Variants in ZNF398 observed in about 807,000 individuals in gnomAD.
ZNF398 encodes the protein zinc finger DNA binding protein ZER6.
ZNF398 carries 18 observed loss-of-function variants against 41.9 expected under a neutral mutation model. The ratio of observed to expected loss-of-function variants is 0.43; its 90% CI spans 0.30 to 0.64. The LOEUF is 0.64. ZNF398 is among the 30% of genes least tolerant of loss of function. The pLI is 0.14. For synonymous variants in ZNF398, 260 were observed against 308.8 expected, an observed-to-expected ratio of 0.84 and a Z score of 1.66; for missense variants, 669 against 822.8, an observed-to-expected ratio of 0.81 and a Z score of 2.29.
At chr7:149,133,256 T>C (rs1221166677) in intron 2 of ZNF398, among the ~76,000 whole-genome samples, 1 of 151,776 alleles carries the variant, frequency 6.6e-6, no homozygotes, top group African/African-American at 2.4e-5. Flanking sequence ...GCTGGGATTA[T>C]AGGCTTGCCA....
At chr7:149,155,727 T>TTTTATTTA (rs1794959608) in intron 2 of ZNF398, among the ~76,000 whole-genome samples, 1 of 62,986 alleles carries the variant, frequency 1.6e-5, no homozygotes, top group African/African-American at 5.2e-5. Context: ...TTTTTTTTTT[T>TTTTATTTA]TTAATTTTTT....
chr7:149,153,082 C>A (rs1217539303), intron 1 of ZNF398, among the ~76,000 whole-genome samples: 1 of 152,014 alleles, frequency 6.6e-6, no homozygotes, highest in Non-Finnish European at 1.5e-5. Context: ...TGGACTCGCA[C>A]TCCCAAGCTC....
At chr7:149,139,194 G>A (rs10254449) in intron 2 of ZNF398, among the ~76,000 whole-genome samples, 2 of 151,570 alleles carry the variant, frequency 1.3e-5, no homozygotes. Flanking sequence ...ATAGGCACAA[G>A]CCACTGCGCC....
chr7:149,162,067 C>T (rs1432010002), intron 2 of ZNF398, among the ~76,000 whole-genome samples: 2 of 152,148 alleles, frequency 1.3e-5, no homozygotes, highest in Middle Eastern at 3.2e-3. Flanking sequence ...GTCTTGCTCT[C>T]GCCTGGGCTG....
At chr7:149,173,209 A>G (rs538229664) in intron 4 of ZNF398, among the ~76,000 whole-genome samples, 1 of 145,280 alleles carries the variant, frequency 6.9e-6, no homozygotes, top group East Asian at 2.0e-4. Flanking sequence ...GGTTCAAGCA[A>G]TTCTCTTGCC....
intron 2 of ZNF398, among the ~76,000 whole-genome samples, chr7:149,164,607 T>C (rs1795187797): frequency 6.6e-6 from 1 of 152,122 alleles, no homozygotes; most frequent in South Asian, 2.1e-4. Context: ...AGACCAGCTA[T>C]TGAACACCAC....
intron 2 of ZNF398, among the ~76,000 whole-genome samples, chr7:149,162,400 T>G (rs960864559): frequency 6.6e-6 from 1 of 152,138 alleles, no homozygotes; most frequent in South Asian, 2.1e-4. Flanking sequence ...GCCAGGATGG[T>G]CTCGATCTCC....
Position 149,166,798 on chromosome 7 carries a change from T to A in ZNF398, c.548-19T>A, listed in dbSNP as rs758089075. 1 of 1,555,394 alleles carries A rather than the reference T, an allele frequency of 6.4e-7. No homozygotes were observed. The highest frequency in any genetic ancestry group is 1.7e-5 in the Admixed American group (1 of 58,186). On this transcript the variant is annotated intron_variant, in intron 3 of 5. Coordinates refer to ENST00000475153, the MANE Select transcript of ZNF398 (RefSeq NM_170686.3). ...ATTTATCTCTTTGTAATACTCTCTC[T>A]TCCTTTTTCCTCTCCTAGATTATGC...
In ZNF398 at chr7:149,166,962, CT is replaced by C. The variant is rs772390697; in HGVS notation, c.661+33del. The C allele has an allele frequency of 6.0e-5, 90 of 1,496,550 alleles. 3 individuals are homozygous for C. The South Asian group carries it at 1.0e-3, about 17-fold the overall frequency. The allele number at this position is 1,496,550 out of a possible 1,614,324, so 92.7% of individuals were successfully genotyped here. Reference sequence around the variant, plus strand: ...GGGAGAAGAGATTCCTACTTCTTGTCTCCCTTTCCTGGTCAGACATGGTGGC... The same window carrying C: ...GGGAGAAGAGATTCCTACTTCTTGTCCCCTTTCCTGGTCAGACATGGTGGC... On this transcript the variant is annotated intron_variant, in intron 4 of 5. Transcript: ENST00000475153.
chr7:149,160,073 G>A (rs1254261529), intron 2 of ZNF398, among the ~76,000 whole-genome samples: 1 of 37,570 alleles, frequency 2.7e-5, no homozygotes, highest in East Asian at 2.0e-3. Context: ...ATAAAAGGAG[G>A]ATAATTAGCT....
chr7:149,130,773 G>A (rs12704062), intron 2 of ZNF398, among the ~76,000 whole-genome samples: 81,816 of 152,128 alleles, frequency 0.54, 25,537 homozygotes, highest in East Asian at 0.9. Context: ...CAACGAAGAA[G>A]GCTTTAATTG....
At chr7:149,137,450 C>T (rs192425162) in intron 2 of ZNF398, among the ~76,000 whole-genome samples, 9 of 152,068 alleles carry the variant, frequency 5.9e-5, no homozygotes, top group African/African-American at 1.9e-4. Flanking sequence ...GGCGTGATCT[C>T]GGCTCACTGC....
intron 1 of ZNF398, among the ~76,000 whole-genome samples, chr7:149,151,827 C>T (rs1418905715): frequency 1.4e-5 from 2 of 147,662 alleles, no homozygotes; most frequent in African/African-American, 5.0e-5. Context: ...CGTTCTGTCG[C>T]GTAGGCTGGA....
chr7:149,179,512 G>C lies in ZNF398; in HGVS notation c.1640G>C (p.Ser547Thr), dbSNP rs546633091. 6.2e-7 allele frequency: 1 copy of C among 1,614,246 alleles called. No individual in the cohort carries two copies. Among genetic ancestry groups the C allele is most frequent in the Non-Finnish European group, 8.5e-7 (1 of 1,180,042 alleles). Residue 547 changes from serine (S) to threonine (T), a missense_variant, in exon 6 of 6, where the codon AGC becomes ACC. By Grantham distance (58) the Ser-to-Thr change is moderately conservative (BLOSUM62 1). Coordinates refer to ENST00000475153, the MANE Select transcript of ZNF398 (RefSeq NM_170686.3). The surrounding 1 kb of genome is among the most constrained non-coding windows in gnomAD (Gnocchi z 6.1). ...TTCAGTTGTCCTCACTGTGGCAAGA[G>C]CTTCATCCGCAAGCACCACCTAATG... The part of the protein sequence containing the change: ...RPFSCPHCGK[S>T]FIRKHHLMKH...
rs897700925 is a variant in ZNF398, at chr7:149,182,991, G to A, written c.*3190G>A. The stretch of plus-strand genomic sequence containing the variant: ...CAGGACCAGACCCTGTGACTTACTC[G>A]GTAATAACAGTCCACACAAGCCTCG... On this transcript the variant is annotated 3_prime_UTR_variant, in exon 6 of 6. Transcript: ENST00000475153. Among the ~76,000 whole-genome samples, 12 of 147,740 alleles carry A rather than the reference G, an allele frequency of 8.1e-5. No individual in the cohort carries two copies. Among genetic ancestry groups the A allele is most frequent in the East Asian group, 2.0e-4 (1 of 5,070 alleles).
intron 2 of ZNF398, among the ~76,000 whole-genome samples, chr7:149,136,067 A>G (rs190408210): frequency 6.6e-6 from 1 of 152,184 alleles, no homozygotes; most frequent in Admixed American, 6.5e-5. Context: ...AACTCTGCCT[A>G]ATTCAAGGTC....
intron 2 of ZNF398, among the ~76,000 whole-genome samples, chr7:149,165,141 A>G (rs1395510225): frequency 6.6e-6 from 1 of 152,072 alleles, no homozygotes; most frequent in Non-Finnish European, 1.5e-5. Flanking sequence ...GAAGAAAAAA[A>G]CGAAAATTTT....
At chr7:149,155,699 ATATATATATTT>A (rs1223863602) in intron 2 of ZNF398, among the ~76,000 whole-genome samples, 1 of 32,374 alleles carries the variant, frequency 3.1e-5, no homozygotes, top group Admixed American at 4.1e-4. Context: ...ATATATATAT[ATATATATATTT>A]TTTTTTTTTT....
chr7:149,138,093 C>T (rs940269222), intron 2 of ZNF398, among the ~76,000 whole-genome samples: 57 of 150,732 alleles, frequency 3.8e-4, no homozygotes, highest in Non-Finnish European at 7.2e-4. Context: ...CCCAGCTACT[C>T]GGGAGGCTGA....
Sources: gnomAD v4.1 joint callset for allele counts (sites outside exome capture counted in the v4.1 genomes callset) on GRCh38, gnomAD v4.1.1 for gene constraint, Gnocchi (gnomAD v3.1) non-coding constraint, MANE v1.5 for transcripts, NCBI Gene and HGNC (gene_info 2026-07-23, HGNC 2026-07-21) for gene names.